SEPTIN9: variants seen among roughly 807,000 people sequenced by gnomAD.
SEPTIN9 encodes the protein septin 9.
In SEPTIN9, 13 loss-of-function variants were observed where a neutral mutation model predicts 56.6. The ratio of observed to expected loss-of-function variants is 0.23; its 90% CI spans 0.15 to 0.37. The LOEUF is 0.37. SEPTIN9 is among the 10% of genes least tolerant of loss of function. The pLI is 1.00. For missense variants in SEPTIN9, 650 were observed against 823.1 expected, an observed-to-expected ratio of 0.79 and a Z score of 2.57; for synonymous variants, 332 against 334.1, an observed-to-expected ratio of 0.99 and a Z score of 0.07.
intron 2 of SEPTIN9, among the ~76,000 whole-genome samples, chr17:77,309,884 C>A (rs2032419776): frequency 6.6e-6 from 1 of 152,220 alleles, no homozygotes; most frequent in Non-Finnish European, 1.5e-5. Context: ...CCATCCTAGC[C>A]CCACTCCTGC....
At chr17:77,385,983 G>A (rs543940656) in intron 2 of SEPTIN9, among the ~76,000 whole-genome samples, 15 of 152,198 alleles carry the variant, frequency 9.9e-5, no homozygotes, top group South Asian at 4.1e-4. Context: ...GTCCGGGCTG[G>A]AAGGGATCTT....
chr17:77,391,762 AG>A (rs2035549682), intron 2 of SEPTIN9, among the ~76,000 whole-genome samples: 1 of 152,118 alleles, frequency 6.6e-6, no homozygotes, highest in Admixed American at 6.5e-5. Context: ...TCCCTTCTGG[AG>A]GGATGAGACT....
At chr17:77,368,668 A>G (rs1400585837) in intron 2 of SEPTIN9, among the ~76,000 whole-genome samples, 2 of 152,222 alleles carry the variant, frequency 1.3e-5, no homozygotes, top group Admixed American at 6.5e-5. Context: ...GCATTGCTCT[A>G]TTAGAAAAAT....
chr17:77,322,191 G>T (rs540338754), intron 2 of SEPTIN9, among the ~76,000 whole-genome samples: 13 of 152,336 alleles, frequency 8.5e-5, no homozygotes, highest in African/African-American at 3.1e-4. Flanking sequence ...TGGGTTTGGG[G>T]GTGGTGCTCC....
At chr17:77,406,837 A>G (rs2036098834) in intron 3 of SEPTIN9, among the ~76,000 whole-genome samples, 1 of 151,924 alleles carries the variant, frequency 6.6e-6, no homozygotes, top group Admixed American at 6.6e-5. Flanking sequence ...CGCCTGGCTA[A>G]CTTTTGTATT....
chr17:77,450,784 A>G lies in SEPTIN9; in HGVS notation c.722-31360A>G. The G allele has an allele frequency of 1.0e-6, 1 of 986,360 alleles. No homozygotes were observed. Among genetic ancestry groups the G allele is most frequent in the Non-Finnish European group, 1.2e-6 (1 of 830,686 alleles). The allele number at this position is 986,360 out of a possible 1,614,324, so 61.1% of individuals were successfully genotyped here. ...CCAGAGGCTCTCGGAGGAAGAGCTC[A>G]GGGTGAGCTGCGCCCCCATCCCCTG... On this transcript the variant is annotated intron_variant, in intron 3 of 11. Transcript: ENST00000427177. This position sits in a 1 kb window ranked among gnomAD's most constrained non-coding sequence, Gnocchi z 6.0.
intron 3 of SEPTIN9, among the ~76,000 whole-genome samples, chr17:77,474,301 C>T (rs989264892): frequency 6.6e-5 from 10 of 152,204 alleles, no homozygotes; most frequent in African/African-American, 2.2e-4. Context: ...GCATCTGTGT[C>T]CTGGGAGAGC....
At chr17:77,346,762 A>G (rs888041985) in intron 2 of SEPTIN9, among the ~76,000 whole-genome samples, 4 of 152,156 alleles carry the variant, frequency 2.6e-5, no homozygotes, top group Non-Finnish European at 4.4e-5. Flanking sequence ...GGTGTTTGCT[A>G]TGGCCTACCT....
chr17:77,361,360 C>A (rs1898127376), intron 2 of SEPTIN9, among the ~76,000 whole-genome samples: 1 of 152,166 alleles, frequency 6.6e-6, no homozygotes, highest in African/African-American at 2.4e-5. Flanking sequence ...CTGCATGTCA[C>A]TCCCTGCTGC....
intron 2 of SEPTIN9, among the ~76,000 whole-genome samples, chr17:77,397,954 G>A (rs535964530): frequency 4.6e-5 from 7 of 151,334 alleles, no homozygotes; most frequent in Admixed American, 1.3e-4. Context: ...GAGCCACCAC[G>A]CCTGGCATTT....
At chr17:77,288,111 C>T (rs542219937) in intron 1 of SEPTIN9, 8 of 1,063,578 alleles carry the variant, frequency 7.5e-6, no homozygotes, top group African/African-American at 6.6e-5. Context: ...TGGACTCTCT[C>T]GCTGACTCCT....
chr17:77,466,464 T>A, intron 3 of SEPTIN9: 4 of 985,358 alleles, frequency 4.1e-6, no homozygotes, highest in Non-Finnish European at 4.8e-6. Flanking sequence ...GGCTGCTGCC[T>A]GTGTTAGCTG....
chr17:77,410,423 C>T (rs1321979511), intron 3 of SEPTIN9, among the ~76,000 whole-genome samples: 15 of 152,200 alleles, frequency 9.9e-5, no homozygotes, highest in Admixed American at 2.0e-4. Flanking sequence ...AAACCTGGAA[C>T]TGGAAATGGC....
At chr17:77,468,766 G>A (rs1359330994) in intron 3 of SEPTIN9, among the ~76,000 whole-genome samples, 1 of 152,142 alleles carries the variant, frequency 6.6e-6, no homozygotes, top group Non-Finnish European at 1.5e-5. Flanking sequence ...TTTTACACAC[G>A]CCCCCTGGTG....
chr17:77,316,299 G>T (rs994741769), intron 2 of SEPTIN9, among the ~76,000 whole-genome samples: 1 of 152,042 alleles, frequency 6.6e-6, no homozygotes, highest in South Asian at 2.1e-4. Context: ...CTCTGCACTC[G>T]CCTCCCAGCC....
intron 2 of SEPTIN9, among the ~76,000 whole-genome samples, chr17:77,336,906 G>A (rs2033571452): frequency 6.6e-6 from 1 of 150,476 alleles, no homozygotes; most frequent in Non-Finnish European, 1.5e-5. Context: ...TATGATTTTA[G>A]TAAATGCTTT....
intron 3 of SEPTIN9, among the ~76,000 whole-genome samples, chr17:77,418,934 C>T (rs908429302): frequency 6.6e-6 from 1 of 152,190 alleles, no homozygotes; most frequent in African/African-American, 2.4e-5. Flanking sequence ...GTCCCCTCTC[C>T]CCTGTCTCCC....
chr17:77,490,914 A>T (rs1196463827), intron 8 of SEPTIN9, 55 bp downstream of exon 8: 1 of 1,367,418 alleles, frequency 7.3e-7, no homozygotes, highest in Non-Finnish European at 1.0e-6. Flanking sequence ...GAGACGCTGC[A>T]GGCCTGGCAG....
intron 3 of SEPTIN9, among the ~76,000 whole-genome samples, chr17:77,417,745 T>G (rs1211046159): frequency 6.6e-6 from 1 of 152,256 alleles, no homozygotes; most frequent in African/African-American, 2.4e-5. Context: ...CGCATTCATG[T>G]GAGGGCACTC....
Sources: gnomAD v4.1 joint callset for allele counts (sites outside exome capture counted in the v4.1 genomes callset) on GRCh38, gnomAD v4.1.1 for gene constraint, Gnocchi (gnomAD v3.1) non-coding constraint, MANE v1.5 for transcripts, NCBI Gene and HGNC (gene_info 2026-07-23, HGNC 2026-07-21) for gene names.